Variants in FYB1 observed in about 807,000 individuals in gnomAD.
FYB1 encodes FYN-binding protein 1.
A neutral mutation model predicts 94.1 loss-of-function variants in FYB1; 41 were observed. The observed-to-expected ratio is 0.44, with a 90% CI of 0.34 to 0.57. FYB1 has a LOEUF of 0.57. FYB1 is among the 20% of genes least tolerant of loss of function. The pLI is 0.02. For synonymous variants in FYB1, 367 were observed against 353.2 expected (o/e 1.04, Z -0.44); for missense variants, 1,050 against 976.8 (o/e 1.07, Z -1.00).
chr5:39,135,799 T>C (rs1334497555), intron 7 of FYB1, among the ~76,000 whole-genome samples: 1 of 152,208 alleles, frequency 6.6e-6, no homozygotes, highest in Admixed American at 6.5e-5. Context: ...GCCATGATGC[T>C]GATGAGGCTC....
chr5:39,125,908 T>G (rs756071144), intron 12 of FYB1, 90 bp downstream of exon 12: 16 of 1,250,500 alleles, frequency 1.3e-5, no homozygotes, highest in Non-Finnish European at 1.7e-5. Flanking sequence ...CTATCAGAAT[T>G]TGGTTATTGG....
In FYB1 at chr5:39,111,134, C is replaced by G. The variant is rs999237618; in HGVS notation, c.2402-745G>C. 2.6e-5 allele frequency among the ~76,000 whole-genome samples: 4 copies of G among 151,990 alleles called. No individual in the cohort carries two copies. The South Asian group carries it at 8.3e-4, about 32-fold the overall frequency. On this transcript the variant is annotated intron_variant, in intron 16 of 18. Transcript: ENST00000512982. Reference sequence around the variant, plus strand: ...TGAGGGGCACCTTATATTTGCCTCTCATTGTGCAAATGTTTCTCAGGAAAA... The same window carrying G: ...TGAGGGGCACCTTATATTTGCCTCTGATTGTGCAAATGTTTCTCAGGAAAA...
chr5:39,126,830 A>C (rs899538460), intron 11 of FYB1, among the ~76,000 whole-genome samples: 43 of 151,852 alleles, frequency 2.8e-4, no homozygotes, highest in Admixed American at 6.6e-4. Flanking sequence ...AGGCTAGGGC[A>C]GGCAGATCAC....
chr5:39,177,208 A>G (rs193001275), intron 2 of FYB1, among the ~76,000 whole-genome samples: 99 of 152,306 alleles, frequency 6.5e-4, no homozygotes, highest in Non-Finnish European at 1.0e-3. Context: ...CTAGACACCT[A>G]TCTTGTTTCC....
At chr5:39,237,930 T>A (rs1053417315) in intron 1 of FYB1, among the ~76,000 whole-genome samples, 1 of 152,120 alleles carries the variant, frequency 6.6e-6, no homozygotes, top group African/African-American at 2.4e-5. Flanking sequence ...TCTCTTTAGG[T>A]CTGTTCTATT....
At chr5:39,188,037 C>T (rs1747005591) in intron 2 of FYB1, among the ~76,000 whole-genome samples, 1 of 152,060 alleles carries the variant, frequency 6.6e-6, no homozygotes, top group South Asian at 2.1e-4. Context: ...GTGGGTAGAA[C>T]ACGTCACCAC....
intron 5 of FYB1, 104 bp downstream of exon 5, chr5:39,139,129 A>G: frequency 3.4e-6 from 4 of 1,163,372 alleles, no homozygotes; most frequent in Non-Finnish European, 4.7e-6. Context: ...CATTGCTCAT[A>G]AGGATTTTCA....
intron 3 of FYB1, among the ~76,000 whole-genome samples, chr5:39,147,452 C>G (rs1309679818): frequency 6.9e-6 from 1 of 144,516 alleles, no homozygotes; most frequent in East Asian, 2.1e-4. Flanking sequence ...GTACATATGC[C>G]TGTGTGTGTG....
rs553113422 is a variant in FYB1 at position 39,145,730 on chromosome 5, G to A, written c.1293-4589C>T. Among the ~76,000 whole-genome samples the A allele has an allele frequency of 2.6e-5, 4 of 151,894 alleles. No individual in the cohort carries two copies. The South Asian group carries it at 8.3e-4, about 32-fold the overall frequency. ...CTTATGATCAATCTTGCCCTGTAAAGCTTTATTTCTCATATTTCCTTTTCT... is the reference window on the plus strand; with the variant it reads ...CTTATGATCAATCTTGCCCTGTAAAACTTTATTTCTCATATTTCCTTTTCT... On this transcript the variant is annotated intron_variant, in intron 3 of 18. Coordinates refer to ENST00000512982, the MANE Select transcript of FYB1 (RefSeq NM_001465.6).
At chr5:39,181,304 T>C (rs1191074743) in intron 2 of FYB1, among the ~76,000 whole-genome samples, 1 of 152,222 alleles carries the variant, frequency 6.6e-6, no homozygotes. Context: ...TATACTTATA[T>C]ACTGTAGCTA....
intron 4 of FYB1, chr5:39,139,855 C>A (rs1441879704): frequency 6.6e-6 from 1 of 152,066 alleles, no homozygotes; most frequent in South Asian, 2.1e-4. Flanking sequence ...TAAACACACC[C>A]ATAATATACA....
At chr5:39,218,493 G>A (rs1187208711) in intron 1 of FYB1, among the ~76,000 whole-genome samples, 1 of 152,146 alleles carries the variant, frequency 6.6e-6, no homozygotes. Flanking sequence ...AAGCCCATCT[G>A]TTTCCCACGC....
At chr5:39,127,059 C>CAAAAAAAA (rs200980181) in intron 11 of FYB1, among the ~76,000 whole-genome samples, 10 of 77,456 alleles carry the variant, frequency 1.3e-4, no homozygotes, top group African/African-American at 2.3e-4. Context: ...ACTCAGGTCT[C>CAAAAAAAA]AAAAAAAAAA....
chr5:39,130,392 C>T (rs1741084357), intron 10 of FYB1, among the ~76,000 whole-genome samples, 198 bp downstream of exon 10: 2 of 152,004 alleles, frequency 1.3e-5, no homozygotes, highest in South Asian at 4.1e-4. Context: ...TTGTACATTT[C>T]AATATAGCCA....
chr5:39,132,328 A>G (rs994364176), intron 9 of FYB1, among the ~76,000 whole-genome samples: 1 of 152,182 alleles, frequency 6.6e-6, no homozygotes, highest in Admixed American at 6.5e-5. Context: ...TCTAAGAACA[A>G]AGCATGTTCT....
At position 39,127,786 on chromosome 5, in the gene FYB1, T is replaced by A. The variant is rs1309610947; in HGVS notation, c.1862A>T (p.Asp621Val). 1.2e-6 allele frequency: 2 copies of A among 1,604,910 alleles called. No individual in the cohort carries two copies. The highest frequency in any genetic ancestry group is 2.2e-5 in the South Asian group (2 of 89,324). The change falls in exon 11 of 19, where the codon GAT (aspartate) becomes GTT (valine). Residue 621 changes from aspartate to valine, a missense_variant. Asp to Val is a radical substitution (Grantham distance 152, BLOSUM62 -3). Transcript: ENST00000512982. ...TTCAATCCCATCATAAATGTCATCA[T>A]CTGGTGGTGGAGGGAATATCCCTTC... ...GSGGIFPPPPDDDIYDGIEEE... is the reference protein window; with the variant it reads ...GSGGIFPPPPVDDIYDGIEEE...
At chr5:39,244,987 T>A (rs1300387243) in intron 1 of FYB1, among the ~76,000 whole-genome samples, 3 of 152,184 alleles carry the variant, frequency 2.0e-5, no homozygotes, top group East Asian at 1.9e-4. Flanking sequence ...GGTGGTGATA[T>A]CCCCTTTATC....
chr5:39,267,866 T>C (rs1752497771), intron 1 of FYB1, among the ~76,000 whole-genome samples: 1 of 152,196 alleles, frequency 6.6e-6, no homozygotes, highest in African/African-American at 2.4e-5. Flanking sequence ...CAATGCAAAA[T>C]AATCAGACAA....
intron 7 of FYB1, 120 bp downstream of exon 7, chr5:39,137,480 C>T (rs1224283984): frequency 1.7e-6 from 2 of 1,180,024 alleles, no homozygotes; most frequent in East Asian, 5.3e-5. Context: ...GATAATTACT[C>T]TTTAGAGAAT....
Sources: allele counts gnomAD v4.1 joint callset (sites outside exome capture counted in the v4.1 genomes callset), GRCh38; gene constraint gnomAD v4.1.1; transcripts MANE v1.5; gene names NCBI Gene and HGNC (gene_info 2026-07-23, HGNC 2026-07-21).